IBTK: variants seen among roughly 807,000 people sequenced by gnomAD.
IBTK encodes the protein BTK-binding protein.
In IBTK, 83 loss-of-function variants were observed where a neutral mutation model predicts 154.9. That is an observed-to-expected ratio of 0.54 (90% CI 0.45 to 0.64). The LOEUF (loss-of-function observed/expected upper bound fraction) is 0.64, where lower values mean the gene tolerates loss of function less well. Among genes scored for constraint, IBTK ranks in the 30% least tolerant of loss-of-function variants. IBTK has a pLI of 0.00. For synonymous variants in IBTK, 515 were observed against 536.1 expected, an observed-to-expected ratio of 0.96 and a Z score of 0.54; for missense variants, 1,332 against 1,584.6, an observed-to-expected ratio of 0.84 and a Z score of 2.71.
intron 1 of IBTK, among the ~76,000 whole-genome samples, chr6:82,243,474 A>AGG (rs1771031168): frequency 6.6e-6 from 1 of 152,214 alleles, no homozygotes; most frequent in African/African-American, 2.4e-5. Context: ...ATGAAATCTC[A>AGG]TAGTGTCCCA....
At chr6:82,190,447 G>A (rs567269472) in intron 25 of IBTK, among the ~76,000 whole-genome samples, 38 of 152,244 alleles carry the variant, frequency 2.5e-4, no homozygotes, top group Admixed American at 2.2e-3. Context: ...ACAAGAAAAG[G>A]AAGGATGGAA....
At chr6:82,183,222 C>T (rs1309906036) in intron 25 of IBTK, among the ~76,000 whole-genome samples, 1 of 152,114 alleles carries the variant, frequency 6.6e-6, no homozygotes, top group Non-Finnish European at 1.5e-5. Context: ...CCAGCCTGGC[C>T]AACATGATGA....
At chr6:82,190,987 G>T in intron 25 of IBTK, 86 bp downstream of exon 25, 2 of 925,074 alleles carry the variant, frequency 2.2e-6, no homozygotes, top group Non-Finnish European at 3.0e-6. Flanking sequence ...AGAAACACTG[G>T]AAGTGGGAAG....
intron 25 of IBTK, among the ~76,000 whole-genome samples, chr6:82,185,878 T>C (rs896718564): frequency 2.0e-5 from 3 of 152,206 alleles, no homozygotes; most frequent in African/African-American, 7.2e-5. Context: ...CTGTGCTTCA[T>C]AGTTACTGTG....
At chr6:82,174,062 G>A (rs1768025737) in intron 26 of IBTK, among the ~76,000 whole-genome samples, 1 of 152,050 alleles carries the variant, frequency 6.6e-6, no homozygotes. Context: ...AATACAGATG[G>A]ACCTAATTAT....
chr6:82,220,453 C>T (rs1770054803), intron 9 of IBTK, 137 bp downstream of exon 9: 3 of 800,834 alleles, frequency 3.7e-6, no homozygotes, highest in South Asian at 2.8e-5. Context: ...CTAAAACATA[C>T]TTATTTTGGC....
At chr6:82,191,540 T>A in intron 24 of IBTK, 1 of 585,254 alleles carries the variant, frequency 1.7e-6, no homozygotes, top group East Asian at 2.9e-5. Flanking sequence ...TAGTCCACAA[T>A]GATCATTTTA....
In IBTK at chr6:82,194,546, G is replaced by C; in HGVS notation, c.3271C>G (p.Pro1091Ala). The change falls in exon 23 of 29, where the codon CCA becomes GCA. Residue 1091 changes from proline (P) to alanine (A), a missense_variant. Transcript: ENST00000306270. Reference sequence around the variant, plus strand: ...ATTCTGTTACTGGGAATAGGCTGTGGAGCAGATATTTTAAGTATTGGTGAC... The same window carrying C: ...ATTCTGTTACTGGGAATAGGCTGTGCAGCAGATATTTTAAGTATTGGTGAC... ...EKSPILKISA[P>A]QPIPSNRIDT... 6.2e-7 allele frequency: 1 copy of C among 1,611,206 alleles called. No homozygotes were observed. Among genetic ancestry groups the C allele is most frequent in the Middle Eastern group, 1.7e-4 (1 of 6,046 alleles).
intron 11 of IBTK, 150 bp downstream of exon 11, chr6:82,215,926 T>C: frequency 1.8e-6 from 1 of 566,626 alleles, no homozygotes; most frequent in Non-Finnish European, 3.1e-6. Flanking sequence ...GGATTATCTG[T>C]AGACATAATC....
At chr6:82,234,672 C>T (rs141313527) in intron 2 of IBTK, among the ~76,000 whole-genome samples, 1 of 152,148 alleles carries the variant, frequency 6.6e-6, no homozygotes, top group East Asian at 1.9e-4. Flanking sequence ...GTCAGATAAT[C>T]AACCCCATAA....
intron 4 of IBTK, among the ~76,000 whole-genome samples, chr6:82,229,609 A>G (rs1770427320): frequency 6.6e-6 from 1 of 152,022 alleles, no homozygotes; most frequent in Non-Finnish European, 1.5e-5. Flanking sequence ...ACTGACTAGC[A>G]TGTCTGCAAA....
At chr6:82,242,794 A>G (rs1054865821) in intron 1 of IBTK, among the ~76,000 whole-genome samples, 34 of 151,624 alleles carry the variant, frequency 2.2e-4, no homozygotes, top group African/African-American at 8.2e-4. Flanking sequence ...AAAATACAAA[A>G]ATTAGCTGGC....
intron 25 of IBTK, among the ~76,000 whole-genome samples, chr6:82,185,282 C>A (rs764936097): frequency 1.3e-5 from 2 of 150,976 alleles, no homozygotes; most frequent in Non-Finnish European, 2.9e-5. Flanking sequence ...TAACTTCAGC[C>A]AGGAACAGTG....
At chr6:82,187,751 T>C (rs994830240) in intron 25 of IBTK, among the ~76,000 whole-genome samples, 2 of 152,164 alleles carry the variant, frequency 1.3e-5, no homozygotes, top group Non-Finnish European at 2.9e-5. Flanking sequence ...TGTTTCAGTT[T>C]ATTTAAGGAG....
intron 18 of IBTK, 144 bp downstream of exon 18, chr6:82,202,384 C>T (rs1343628512): frequency 4.9e-6 from 3 of 609,662 alleles, no homozygotes; most frequent in Non-Finnish European, 8.7e-6. Flanking sequence ...CTAAAATGTA[C>T]ATAACTTCTA....
chr6:82,223,756 C>T (rs1018637884), intron 7 of IBTK, 136 bp from the exon 8 acceptor site: 9 of 670,476 alleles, frequency 1.3e-5, no homozygotes, highest in Admixed American at 2.9e-5. Context: ...CCCTGGAGCT[C>T]GAGACCAGCC....
chr6:82,175,657 C>T (rs1475509748), intron 26 of IBTK, among the ~76,000 whole-genome samples: 1 of 152,136 alleles, frequency 6.6e-6, no homozygotes, highest in East Asian at 1.9e-4. Context: ...GTAGATATCG[C>T]AAGAGACAAT....
At chr6:82,177,057 C>T (rs183655240) in intron 26 of IBTK, among the ~76,000 whole-genome samples, 48 of 152,290 alleles carry the variant, frequency 3.2e-4, no homozygotes, top group African/African-American at 1.1e-3. Context: ...ACTGACCCAG[C>T]TCAAGCCCTT....
At chr6:82,233,711 GTT>G (rs375746607) in intron 3 of IBTK, among the ~76,000 whole-genome samples, 5 of 122,824 alleles carry the variant, frequency 4.1e-5, no homozygotes, top group South Asian at 2.8e-4. Context: ...CATTTGTAAA[GTT>G]TTTTTTTTTT....
Sources: gnomAD v4.1 joint callset for allele counts (sites outside exome capture counted in the v4.1 genomes callset) on GRCh38, gnomAD v4.1.1 for gene constraint, MANE v1.5 for transcripts, NCBI Gene and HGNC (gene_info 2026-07-23, HGNC 2026-07-21) for gene names.